The following XPR1 variants were observed in gnomAD, a reference collection of about 807,000 sequenced individuals.
XPR1 encodes solute carrier family 53 member 1.
In XPR1, 28 loss-of-function variants were observed where a neutral mutation model predicts 87.5. That is an observed-to-expected ratio of 0.32 (90% confidence interval 0.24 to 0.44). The LOEUF (loss-of-function observed/expected upper bound fraction) is 0.44, where lower values mean the gene tolerates loss of function less well. XPR1 is among the 20% of genes least tolerant of loss of function. The pLI, the probability that XPR1 is intolerant of heterozygous loss-of-function variation, is 1.00. For synonymous variants in XPR1, 300 were observed against 306.1 expected (o/e 0.98, Z 0.21); for missense variants, 559 against 862.3 (o/e 0.65, Z 4.41).
rs142675657 is a variant in XPR1, at chr1:180,880,276, G to A, written c.2009G>A (p.Arg670His). 1.1e-4 allele frequency: 180 copies of A among 1,614,128 alleles called. No individual in the cohort carries two copies. The highest frequency in any genetic ancestry group is 2.0e-4 in the Admixed American group (12 of 60,022). Residue 670 changes from arginine to histidine, a missense_variant, in exon 14 of 15, where the codon CGC (arginine) becomes CAC (histidine). Arg to His is a conservative substitution (Grantham distance 29, BLOSUM62 0). This residue lies in a region of XPR1 where 80 missense variants were observed against 99.5 expected (regional missense o/e 0.80). Transcript: ENST00000367590. ...AAGTACAACCAGAGCATATCCCTGC[G>A]CCGGCCTCGCCTCGCTTCTCAGTAT... is the stretch of plus-strand genomic sequence containing the variant. ...SWKYNQSISL[R>H]RPRLASQSKA...
chr1:180,806,706 G>A, intron 6 of XPR1, 149 bp downstream of exon 6: 1 of 564,356 alleles, frequency 1.8e-6, no homozygotes, highest in South Asian at 3.2e-5. Flanking sequence ...AACATTATAT[G>A]CTATATTTTA....
chr1:180,649,174 C>A (rs1655212778), intron 1 of XPR1, among the ~76,000 whole-genome samples: 2 of 151,988 alleles, frequency 1.3e-5, no homozygotes, highest in Admixed American at 6.6e-5. Flanking sequence ...GCCTGTAATC[C>A]CAGCACTTTG....
intron 2 of XPR1, among the ~76,000 whole-genome samples, chr1:180,685,904 G>A (rs568354029): frequency 6.6e-6 from 1 of 151,932 alleles, no homozygotes; most frequent in Non-Finnish European, 1.5e-5. Flanking sequence ...CTTACTAGTG[G>A]TCTATCAATT....
chr1:180,819,033 T>G (rs1192912926), intron 7 of XPR1, among the ~76,000 whole-genome samples: 2 of 152,174 alleles, frequency 1.3e-5, no homozygotes, highest in Non-Finnish European at 2.9e-5. Context: ...CACTACAGCC[T>G]AGACCTCCTG....
At chr1:180,743,164 G>T (rs1557984978) in intron 2 of XPR1, among the ~76,000 whole-genome samples, 2 of 146,696 alleles carry the variant, frequency 1.4e-5, no homozygotes, top group South Asian at 2.2e-4. Flanking sequence ...CTACCATTTT[G>T]TTATTATTAT....
At chr1:180,789,426 G>T (rs527462034) in intron 3 of XPR1, among the ~76,000 whole-genome samples, 3 of 147,240 alleles carry the variant, frequency 2.0e-5, no homozygotes, top group Non-Finnish European at 4.4e-5. Context: ...AACCTAATAC[G>T]AGTCTATGAC....
chr1:180,852,181 T>A (rs1305093000), intron 11 of XPR1, among the ~76,000 whole-genome samples: 3 of 152,102 alleles, frequency 2.0e-5, no homozygotes, highest in Non-Finnish European at 4.4e-5. Context: ...CAGTGAAGGT[T>A]TTGAGGAACA....
At chr1:180,670,836 T>C (rs536342292) in intron 1 of XPR1, among the ~76,000 whole-genome samples, 2 of 152,310 alleles carry the variant, frequency 1.3e-5, no homozygotes, top group African/African-American at 4.8e-5. Context: ...TGTCCTAATT[T>C]CTCCCTCAAT....
intron 7 of XPR1, among the ~76,000 whole-genome samples, chr1:180,814,926 G>A (rs1650348428): frequency 6.6e-6 from 1 of 151,840 alleles, no homozygotes; most frequent in South Asian, 2.1e-4. Context: ...GAGGGAGTGA[G>A]TTATGAAGGA....
intron 1 of XPR1, among the ~76,000 whole-genome samples, chr1:180,668,592 G>T (rs1404058415): frequency 6.6e-6 from 1 of 152,040 alleles, no homozygotes; most frequent in Non-Finnish European, 1.5e-5. Flanking sequence ...ATAGGTTTTG[G>T]TATGTTGTGT....
At chr1:180,762,314 G>A (rs1648072512) in intron 2 of XPR1, among the ~76,000 whole-genome samples, 1 of 152,002 alleles carries the variant, frequency 6.6e-6, no homozygotes, top group South Asian at 2.1e-4. Context: ...AATTATGTAT[G>A]TATATTTTAC....
Position 180,880,175 on chromosome 1 carries a change from A to G in XPR1, c.1908A>G (p.Ala636=), listed in dbSNP as rs753991098. The change falls in exon 14 of 15, where the codon GCA becomes GCG. Residue 636 remains alanine (A), a synonymous_variant. Coordinates refer to ENST00000367590, the MANE Select transcript of XPR1 (RefSeq NM_004736.4). ...VRDISVAPLN[A]DDQTLLEQMM... ...ACATCTCTGTGGCCCCCCTGAACGCAGATGATCAGACTCTCCTAGAACAGA... is the reference window on the plus strand; with the variant it reads ...ACATCTCTGTGGCCCCCCTGAACGCGGATGATCAGACTCTCCTAGAACAGA... The G allele has an allele frequency of 3.1e-6, 5 of 1,614,082 alleles. No homozygotes were observed. Among genetic ancestry groups the G allele is most frequent in the Non-Finnish European group, 3.4e-6 (4 of 1,180,046 alleles).
chr1:180,759,758 C>G (rs1489662574), intron 2 of XPR1, among the ~76,000 whole-genome samples: 2 of 152,210 alleles, frequency 1.3e-5, no homozygotes, highest in African/African-American at 4.8e-5. Flanking sequence ...CTCCCTAACT[C>G]ATTTTATGAG....
At chr1:180,715,659 TG>T (rs1657964404) in intron 2 of XPR1, among the ~76,000 whole-genome samples, 1 of 151,812 alleles carries the variant, frequency 6.6e-6, no homozygotes. Context: ...ACAGAGAAGT[TG>T]TTTTTTTTTT....
intron 2 of XPR1, among the ~76,000 whole-genome samples, chr1:180,692,951 CT>C (rs1268194430): frequency 2.6e-5 from 4 of 152,070 alleles, no homozygotes; most frequent in Non-Finnish European, 5.9e-5. Context: ...ATTTCATCAC[CT>C]GTAAAAGTCA....
chr1:180,725,027 C>T (rs1658290382), intron 2 of XPR1, among the ~76,000 whole-genome samples: 1 of 152,152 alleles, frequency 6.6e-6, no homozygotes, highest in Admixed American at 6.5e-5. Flanking sequence ...CAGACCTTAA[C>T]TTTATTCATG....
rs1652298738 is a variant in XPR1, at chr1:180,863,890, G to A, written c.1668+16G>A. ...CCCCCAAAAAGTATGTATAAAGAGT[G>A]TGTTTGTTTAAAAGAACAAACTTAG... On this transcript the variant is annotated intron_variant, in intron 12 of 14. Coordinates refer to ENST00000367590, the MANE Select transcript of XPR1 (RefSeq NM_004736.4). 2 of 1,558,032 alleles carry A rather than the reference G, an allele frequency of 1.3e-6. No individual in the cohort carries two copies. The highest frequency in any genetic ancestry group is 1.7e-6 in the Non-Finnish European group (2 of 1,156,992).
intron 11 of XPR1, among the ~76,000 whole-genome samples, chr1:180,852,007 A>T (rs1651881000): frequency 6.6e-6 from 1 of 151,718 alleles, no homozygotes; most frequent in African/African-American, 2.4e-5. Context: ...GATGCTAGGC[A>T]TACATAGATG....
intron 1 of XPR1, among the ~76,000 whole-genome samples, chr1:180,675,166 AAC>A (rs1370105914): frequency 1.3e-5 from 2 of 152,228 alleles, no homozygotes; most frequent in Non-Finnish European, 2.9e-5. Context: ...GGAAGAAATA[AAC>A]ACAGAATCAC....
Sources: gnomAD v4.1 joint callset for allele counts (sites outside exome capture counted in the v4.1 genomes callset) on GRCh38, gnomAD v4.1.1 for gene constraint, gnomAD v4.1.1 regional missense constraint, MANE v1.5 for transcripts, NCBI Gene and HGNC (gene_info 2026-07-23, HGNC 2026-07-21) for gene names.